Variants in H2BC12 observed in about 807,000 individuals in gnomAD.
H2BC12 encodes H2B clustered histone 12, also known as histone H2B type 1-K.
H2BC12 carries 6 observed loss-of-function variants against 6.3 expected under a neutral mutation model. That is an observed-to-expected ratio of 0.95 (90% CI 0.52 to 1.87). The LOEUF (loss-of-function observed/expected upper bound fraction) is 1.87. H2BC12 is among the 40% of genes most tolerant of loss of function. H2BC12 has a pLI of 0.01. For synonymous variants in H2BC12, 132 were observed against 78.5 expected (o/e 1.68, Z -3.60); for missense variants, 119 against 178.4 (o/e 0.67, Z 1.90).
chr6:27,146,620 A>G lies in H2BC12; in HGVS notation c.179T>C (p.Met60Thr), dbSNP rs1303259461. ...GTTGACGAAGGAGTTCATGATTCCC[A>G]TGGCCTTAGAGGAGATGCCGGTGTC... ...HPDTGISSKA[M>T]GIMNSFVNDI... The change falls in exon 1 of 1, where the codon ATG becomes ACG. Residue 60 changes from methionine (M) to threonine (T), a missense_variant. Physicochemically the swap from Met to Thr is moderately conservative, Grantham distance 81 (BLOSUM62 -1). This residue lies in a region of H2BC12 where 69 missense variants were observed against 141.0 expected (regional missense o/e 0.49). Coordinates refer to ENST00000356950, the MANE Select transcript of H2BC12 (RefSeq NM_001312653.2). The G allele has an allele frequency of 1.9e-6, 3 of 1,614,160 alleles. No individual in the cohort carries two copies. Among genetic ancestry groups the G allele is most frequent in the Non-Finnish European group, 2.5e-6 (3 of 1,180,064 alleles).
downstream of H2BC12, among the ~76,000 whole-genome samples, chr6:27,143,358 G>GA (rs200203669): frequency 6.1e-5 from 9 of 148,236 alleles, no homozygotes; most frequent in East Asian, 6.1e-4. Flanking sequence ...TCAAAAAAAA[G>GA]AAAAAAATTT....
downstream of H2BC12, among the ~76,000 whole-genome samples, chr6:27,145,339 A>AC (rs1554184474): frequency 9.8e-3 from 1,129 of 115,594 alleles, 9 homozygotes; most frequent in Non-Finnish European, 0.016. Context: ...CACACACACA[A>AC]AATTCCCCTG....
the H2BC12 span, chr6:27,139,329 A>G: frequency 2.5e-6 from 4 of 1,611,942 alleles, no homozygotes; most frequent in Non-Finnish European, 3.4e-6. Context: ...GCGGCAAAGG[A>G]GGTAAGGGCC....
At chr6:27,143,879 CAGG>C (rs1760037269), downstream of H2BC12, among the ~76,000 whole-genome samples, 1 of 140,520 alleles carries the variant, frequency 7.1e-6, no homozygotes, top group African/African-American at 2.7e-5. Flanking sequence ...ATTTATGAGA[CAGG>C]AGACAATTTA....
chr6:27,139,498 G>C, the H2BC12 span: 1 of 1,612,328 alleles, frequency 6.2e-7, no homozygotes, highest in Non-Finnish European at 8.5e-7. Context: ...GGTGTTCCTG[G>C]AGAACGTGAT....
the H2BC12 span, chr6:27,139,270 A>G: frequency 6.5e-7 from 1 of 1,543,660 alleles, no homozygotes; most frequent in Non-Finnish European, 8.7e-7. Flanking sequence ...GAAAGCTGCC[A>G]TCACAGGCAG....
At chr6:27,145,337 C>A (rs1035948825), downstream of H2BC12, among the ~76,000 whole-genome samples, 2 of 146,584 alleles carry the variant, frequency 1.4e-5, no homozygotes, top group African/African-American at 2.5e-5. Context: ...CACACACACA[C>A]AAAATTCCCC....
the H2BC12 span, chr6:27,139,672 T>C: frequency 6.5e-7 from 1 of 1,542,266 alleles, no homozygotes; most frequent in Non-Finnish European, 8.7e-7. Context: ...TTAGGGCCCC[T>C]AAGCTTTCAA....
At position 27,146,824 on chromosome 6, in the gene H2BC12, A is replaced by G. The variant is rs754088806; in HGVS notation, c.-26T>C. Reference sequence around the variant, plus strand: ...GTTGAAGGCGAACTACGAGCCTGAGACGAGCAGCAGATCGAGAAAACGGGA... The same window carrying G: ...GTTGAAGGCGAACTACGAGCCTGAGGCGAGCAGCAGATCGAGAAAACGGGA... On this transcript the variant is annotated 5_prime_UTR_variant, in exon 1 of 1. Transcript: ENST00000356950. The G allele has an allele frequency of 6.2e-7, 1 of 1,609,044 alleles. No individual in the cohort carries two copies. Among genetic ancestry groups the G allele is most frequent in the Non-Finnish European group, 8.5e-7 (1 of 1,177,610 alleles).
chr6:27,146,035 G>A (rs189656330), downstream of H2BC12, among the ~76,000 whole-genome samples: 15 of 152,284 alleles, frequency 9.9e-5, no homozygotes, highest in African/African-American at 3.4e-4. Flanking sequence ...CCATTACATG[G>A]TGGAAAGTAC....
the H2BC12 span, chr6:27,139,454 G>A: frequency 1.2e-6 from 2 of 1,614,222 alleles, no homozygotes; most frequent in Non-Finnish European, 1.7e-6. Context: ...CGCATTTCTG[G>A]CCTCATCTAT....
At chr6:27,140,236 A>G in the H2BC12 span, among the ~76,000 whole-genome samples, 1 of 152,232 alleles carries the variant, frequency 6.6e-6, no homozygotes, top group South Asian at 2.1e-4. Flanking sequence ...CACTTATTCA[A>G]GTGCATCTAA....
downstream of H2BC12, among the ~76,000 whole-genome samples, chr6:27,141,703 TTG>T (rs903824065): frequency 3.9e-5 from 6 of 152,204 alleles, no homozygotes; most frequent in African/African-American, 1.4e-4. Flanking sequence ...CGTTTTTATT[TTG>T]TGTCTATATA....
chr6:27,140,144 T>G, the H2BC12 span, among the ~76,000 whole-genome samples: 3 of 151,912 alleles, frequency 2.0e-5, no homozygotes, highest in African/African-American at 7.3e-5. Context: ...GTCTTAAGAG[T>G]CTTAGTAATA....
downstream of H2BC12, among the ~76,000 whole-genome samples, chr6:27,144,004 G>A (rs377582578): frequency 1.7e-3 from 260 of 152,238 alleles, no homozygotes; most frequent in Admixed American, 3.8e-3. Context: ...CGTGGCTAAT[G>A]AGAAAATAGA....
the H2BC12 span, chr6:27,139,364 A>G: frequency 1.9e-6 from 3 of 1,613,998 alleles, no homozygotes; most frequent in Non-Finnish European, 2.5e-6. Flanking sequence ...GCCAAGCGCC[A>G]CCGCAAGGTG....
the H2BC12 span, chr6:27,139,251 C>T: frequency 6.6e-7 from 1 of 1,526,418 alleles, no homozygotes; most frequent in Non-Finnish European, 8.8e-7. Flanking sequence ...GCAGAGGTTA[C>T]CCATAAAAGA....
chr6:27,146,693 C>G lies in H2BC12; in HGVS notation c.106G>C (p.Glu36Gln), dbSNP rs554923771. Residue 36 changes from glutamate (E) to glutamine (Q), a missense_variant, in exon 1 of 1, where the codon GAG becomes CAG. This residue lies in a region of H2BC12 where 69 missense variants were observed against 141.0 expected (regional missense o/e 0.49). Transcript: ENST00000356950. ...DGKKRKRSRK[E>Q]SYSVYVYKVL... ...TTGTACACGTATACGGAGTAGCTCT[C>G]CTTGCGGCTGCGCTTGCGCTTCTTG... 1 of 1,614,258 alleles carries G rather than the reference C, an allele frequency of 6.2e-7. No homozygotes were observed. Among genetic ancestry groups the G allele is most frequent in the Non-Finnish European group, 8.5e-7 (1 of 1,180,048 alleles).
At chr6:27,142,430 G>A (rs1037919377), downstream of H2BC12, among the ~76,000 whole-genome samples, 1 of 151,262 alleles carries the variant, frequency 6.6e-6, no homozygotes, top group Non-Finnish European at 1.5e-5. Flanking sequence ...GTACTACCAC[G>A]CCAGGCTAAT....
Sources: gnomAD v4.1 joint callset for allele counts (sites outside exome capture counted in the v4.1 genomes callset) on GRCh38, gnomAD v4.1.1 for gene constraint, gnomAD v4.1.1 regional missense constraint, MANE v1.5 for transcripts, NCBI Gene and HGNC (gene_info 2026-07-23, HGNC 2026-07-21) for gene names.